The following NTM variants were observed in gnomAD, a reference collection of about 807,000 sequenced individuals.
NTM encodes neurotrimin.
NTM carries 13 observed loss-of-function variants against 42.1 expected under a neutral mutation model. The ratio of observed to expected loss-of-function variants is 0.31; its 90% confidence interval spans 0.20 to 0.49. NTM has a LOEUF of 0.49. Among genes scored for constraint, NTM ranks in the 20% least tolerant of loss-of-function variants. NTM has a pLI of 0.99. For synonymous variants in NTM, 187 were observed against 179.2 expected (o/e 1.04, Z -0.35); for missense variants, 373 against 452.8 (o/e 0.82, Z 1.60).
chr11:132,048,840 A>G (rs1315821251), intron 2 of NTM, among the ~76,000 whole-genome samples: 8 of 124,606 alleles, frequency 6.4e-5, no homozygotes, highest in Non-Finnish European at 1.4e-4. Context: ...TTTTTTTTAT[A>G]GCAGCTATTA....
intron 2 of NTM, among the ~76,000 whole-genome samples, chr11:132,060,897 T>C (rs1174349276): frequency 6.6e-6 from 1 of 152,216 alleles, no homozygotes; most frequent in Non-Finnish European, 1.5e-5. Flanking sequence ...AGAATGTGAA[T>C]GTTTGTGTTA....
At chr11:132,163,516 C>A (rs779263526) in intron 3 of NTM, among the ~76,000 whole-genome samples, 13 of 152,176 alleles carry the variant, frequency 8.5e-5, no homozygotes, top group African/African-American at 2.7e-4. Flanking sequence ...CAGCCCTGTG[C>A]GATAGATGCT....
rs11222858 is a variant in NTM, at chr11:131,994,017, A to G, written c.167+82369A>G. Among the ~76,000 whole-genome samples the G allele has an allele frequency of 5.8e-5, 8 of 138,000 alleles. No homozygotes were observed. In the East Asian group the frequency reaches 6.3e-4, roughly 11 times the overall value. The allele number at this position is 138,000 out of a possible 152,430, so 90.5% of individuals were successfully genotyped here. On this transcript the variant is annotated intron_variant, in intron 2 of 8. Coordinates refer to ENST00000683400, the MANE Select transcript of NTM (RefSeq NM_001352005.2). ...AAACTCCATCTCCAAAAAAAAAAAA[A>G]AAGAAGAAGAAGAAGAAGAACAAAG...
chr11:131,436,969 T>C (rs1949186680), intron 1 of NTM, among the ~76,000 whole-genome samples: 1 of 152,236 alleles, frequency 6.6e-6, no homozygotes, highest in Non-Finnish European at 1.5e-5. Context: ...GTCCCAGAGA[T>C]TCAGGTACGT....
chr11:131,854,039 G>C (rs958740745), intron 1 of NTM, among the ~76,000 whole-genome samples: 2 of 152,222 alleles, frequency 1.3e-5, no homozygotes, highest in African/African-American at 4.8e-5. Flanking sequence ...TTCATCTGTA[G>C]TAGTTTAGGA....
intron 2 of NTM, among the ~76,000 whole-genome samples, chr11:132,064,646 A>C (rs1426343205): frequency 7.9e-5 from 12 of 152,186 alleles, no homozygotes; most frequent in Admixed American, 3.3e-4. Flanking sequence ...AAAGCCCTGG[A>C]TCACACAGTG....
At chr11:132,137,040 A>G (rs1448388062) in intron 2 of NTM, among the ~76,000 whole-genome samples, 3 of 152,240 alleles carry the variant, frequency 2.0e-5, no homozygotes, top group African/African-American at 7.2e-5. Flanking sequence ...TTGCCTGAAT[A>G]CATCCTGGTT....
intron 4 of NTM, among the ~76,000 whole-genome samples, chr11:132,263,913 A>C (rs1464490820): frequency 2.0e-5 from 3 of 152,192 alleles, no homozygotes; most frequent in Non-Finnish European, 2.9e-5. Context: ...TATTATGTAC[A>C]CGATTATTTT....
At chr11:132,151,719 G>A (rs926922159) in intron 3 of NTM, among the ~76,000 whole-genome samples, 4 of 152,102 alleles carry the variant, frequency 2.6e-5, no homozygotes, top group African/African-American at 9.7e-5. Flanking sequence ...CCTGCCTTTG[G>A]AGTCAAACAG....
intron 4 of NTM, among the ~76,000 whole-genome samples, chr11:132,238,360 C>T (rs1454923604): frequency 3.3e-5 from 5 of 152,038 alleles, no homozygotes. Flanking sequence ...TCTGCTGGTC[C>T]CAAACGCCTG....
intron 2 of NTM, among the ~76,000 whole-genome samples, chr11:131,946,357 C>A (rs2060345047): frequency 6.6e-6 from 1 of 152,124 alleles, no homozygotes. Context: ...CTTCTGGTAC[C>A]CTTATTTTAG....
chr11:131,781,596 A>G (rs2088146675), intron 1 of NTM, among the ~76,000 whole-genome samples: 1 of 152,228 alleles, frequency 6.6e-6, no homozygotes. Flanking sequence ...TAAAATAAAC[A>G]TCAAAAGGCC....
intron 6 of NTM, among the ~76,000 whole-genome samples, chr11:132,311,540 T>C (rs915134966): frequency 7.2e-5 from 11 of 152,186 alleles, no homozygotes; most frequent in Admixed American, 1.3e-4. Context: ...CTGATAAATA[T>C]GGTTTCCTTA....
intron 7 of NTM, among the ~76,000 whole-genome samples, chr11:132,329,279 G>A (rs2095752426): frequency 1.3e-5 from 2 of 152,232 alleles, no homozygotes; most frequent in Admixed American, 6.5e-5. Context: ...GAACGACAAA[G>A]AGGGAAGTAA....
At chr11:132,175,829 C>G (rs1379949662) in intron 3 of NTM, among the ~76,000 whole-genome samples, 3 of 152,198 alleles carry the variant, frequency 2.0e-5, no homozygotes, top group Non-Finnish European at 2.9e-5. Flanking sequence ...TCCCTACCCC[C>G]ACCTCATTCT....
At chr11:131,643,595 T>C (rs2065406687) in intron 1 of NTM, among the ~76,000 whole-genome samples, 1 of 152,204 alleles carries the variant, frequency 6.6e-6, no homozygotes, top group South Asian at 2.1e-4. Context: ...ATCCTGAGAT[T>C]GCAGTGAGCC....
chr11:131,467,220 G>C (rs1423071859), intron 1 of NTM, among the ~76,000 whole-genome samples: 2 of 152,228 alleles, frequency 1.3e-5, no homozygotes, highest in Non-Finnish European at 2.9e-5. Flanking sequence ...TGGGCCAAGA[G>C]GGGTAAGAAG....
At chr11:132,141,238 T>A (rs911139334) in intron 2 of NTM, among the ~76,000 whole-genome samples, 1 of 151,682 alleles carries the variant, frequency 6.6e-6, no homozygotes, top group Middle Eastern at 3.4e-3. Context: ...TCTCTTTCTG[T>A]CTCTCTCTCT....
At chr11:131,675,040 G>A (rs540015514) in intron 1 of NTM, among the ~76,000 whole-genome samples, 5 of 152,290 alleles carry the variant, frequency 3.3e-5, no homozygotes, top group Admixed American at 2.0e-4. Context: ...TGCTTAGCCC[G>A]GGTGAGCAGA....
Sources: gnomAD v4.1 joint callset for allele counts (sites outside exome capture counted in the v4.1 genomes callset) on GRCh38, gnomAD v4.1.1 for gene constraint, MANE v1.5 for transcripts, NCBI Gene and HGNC (gene_info 2026-07-23, HGNC 2026-07-21) for gene names.